CDHR1: variants seen among roughly 807,000 people sequenced by gnomAD.
CDHR1 encodes the protein cadherin related family member 1.
A neutral mutation model predicts 72.1 loss-of-function variants in CDHR1; 61 were observed. The observed-to-expected ratio is 0.85, with a 90% CI of 0.69 to 1.05. CDHR1 has a LOEUF of 1.05. Ranked by LOEUF, CDHR1 falls within the 50% of genes least tolerant of loss-of-function variation. The probability of loss-of-function intolerance (pLI) is 0.00; values close to 1 mark genes in which losing one functional copy is unlikely to be tolerated. For synonymous variants in CDHR1, 470 were observed against 448.1 expected, an observed-to-expected ratio of 1.05 and a Z score of -0.62; for missense variants, 1,186 against 1,115.7, an observed-to-expected ratio of 1.06 and a Z score of -0.90.
chr10:84,212,869 C>T, intron 15 of CDHR1: 2 of 623,474 alleles, frequency 3.2e-6, no homozygotes, highest in Non-Finnish European at 5.7e-6. Flanking sequence ...GCTTCCTAGA[C>T]TTGTTCTGAT....
At chr10:84,194,913 C>G in intron 1 of CDHR1, 98 bp downstream of exon 1, 1 of 1,160,964 alleles carries the variant, frequency 8.6e-7, no homozygotes. Context: ...TGGACCACTT[C>G]CAGAGTGGGA....
At position 84,214,811 on chromosome 10, in the gene CDHR1, A is replaced by T. The variant is rs888432511; in HGVS notation, c.*190A>T. ...AGAAGTTGCGCTCTGACAGGGCTCT[A>T]GTCAGGGCCTTGGGCAAGACATTGG... On this transcript the variant is annotated 3_prime_UTR_variant, in exon 17 of 17. Coordinates refer to ENST00000623527, the MANE Select transcript of CDHR1 (RefSeq NM_033100.4). The T allele has an allele frequency of 1.2e-5, 18 of 1,517,016 alleles. No homozygotes were observed. The African/African-American group carries it at 2.4e-4, about 20-fold the overall frequency. 94.0% of individuals were successfully genotyped at this position (1,517,016 alleles called of 1,614,324 possible).
Position 84,214,764 on chromosome 10 carries a change from ACCGC to A in CDHR1, c.*145_*148del. On this transcript the variant is annotated 3_prime_UTR_variant, in exon 17 of 17. Transcript: ENST00000623527. The stretch of plus-strand genomic sequence containing the variant: ...TATAATCCCCACTGTCCTCATCTCT[ACCGC>A]CACCTTCTGGCGCAACAAGAAGTTG... 2 of 1,561,778 alleles carry A rather than the reference ACCGC, an allele frequency of 1.3e-6. No individual in the cohort carries two copies. The highest frequency in any genetic ancestry group is 1.2e-5 in the South Asian group (1 of 85,724).
At chr10:84,218,760 TATC>T (rs1433269646), downstream of CDHR1, 5 of 1,009,696 alleles carry the variant, frequency 5.0e-6, no homozygotes, top group Non-Finnish European at 5.9e-6. Flanking sequence ...TTAGCCCAGA[TATC>T]ATGTTATTAC....
chr10:84,195,500 C>G lies in CDHR1; in HGVS notation c.62C>G (p.Ala21Gly), dbSNP rs1253966305. 2.0e-5 allele frequency: 32 copies of G among 1,613,934 alleles called. No homozygotes were observed. Among genetic ancestry groups the G allele is most frequent in the Non-Finnish European group, 2.6e-5 (31 of 1,179,892 alleles). Residue 21 changes from alanine to glycine, a missense_variant, in exon 2 of 17, where the codon GCC (alanine) becomes GGC (glycine). By Grantham distance (60) the Ala-to-Gly change is moderately conservative (BLOSUM62 0). Transcript: ENST00000623527. ...LGLLRLCLAQ[A>G]NFAPHFFDNG... ...TTCTGTGTTCTTTTTCCAGCTCAGG[C>G]CAACTTCGCCCCGCACTTCTTCGAC...
chr10:84,195,470 G>T (rs1296557605), intron 1 of CDHR1, 24 bp from the exon 2 acceptor site: 9 of 1,605,146 alleles, frequency 5.6e-6, no homozygotes, highest in Admixed American at 1.7e-5. Context: ...CTGGGTGTCC[G>T]TCTGTTCTGT....
intron 15 of CDHR1, 58 bp from the exon 16 acceptor site, chr10:84,213,033 C>A: frequency 6.2e-7 from 1 of 1,611,442 alleles, no homozygotes; most frequent in Non-Finnish European, 8.5e-7. Context: ...CTGATTTAGC[C>A]AGAGTACACA....
chr10:84,206,400 G>A (rs144074458), intron 10 of CDHR1, among the ~76,000 whole-genome samples: 10 of 152,322 alleles, frequency 6.6e-5, no homozygotes, highest in African/African-American at 1.4e-4. Flanking sequence ...CGCTAGAGCC[G>A]GGCATGTGAC....
Position 84,214,457 on chromosome 10 carries a change from G to T in CDHR1, c.2416G>T (p.Ala806Ser). ...ACCCAGCGTGGCGCCCAGCACTGGC[G>T]CAGCCCAGTGGACCGTGCCTACTGT... is the stretch of plus-strand genomic sequence containing the variant. ...PPPSVAPSTGAAQWTVPTVSG... is the reference protein window; with the variant it reads ...PPPSVAPSTGSAQWTVPTVSG... Residue 806 changes from alanine to serine, a missense_variant, in exon 17 of 17, where the codon GCA (alanine) becomes TCA (serine). By Grantham distance (99) the Ala-to-Ser change is moderately conservative (BLOSUM62 1). Coordinates refer to ENST00000623527, the MANE Select transcript of CDHR1 (RefSeq NM_033100.4). The T allele has an allele frequency of 6.2e-7, 1 of 1,611,596 alleles. No homozygotes were observed. The highest frequency in any genetic ancestry group is 8.5e-7 in the Non-Finnish European group (1 of 1,179,900).
At position 84,196,605 on chromosome 10, in the gene CDHR1, C is replaced by T; in HGVS notation, c.252C>T (p.Asp84=). Residue 84 remains aspartate, a synonymous_variant, in exon 3 of 17, where the codon GAC becomes GAT. Coordinates refer to ENST00000623527, the MANE Select transcript of CDHR1 (RefSeq NM_033100.4). ...GCACTAGAAGCGTCTTTTCTGTTGA[C>T]CCCACTTTTGGAAACATCACCCTGG... ...DPSTRSVFSV[D]PTFGNITLVE... 1.2e-6 allele frequency: 2 copies of T among 1,614,234 alleles called. No individual in the cohort carries two copies. The highest frequency in any genetic ancestry group is 1.7e-6 in the Non-Finnish European group (2 of 1,180,044).
rs1044601933 is a variant in CDHR1, at chr10:84,217,157, G to A, written c.*2536G>A. On this transcript the variant is annotated 3_prime_UTR_variant, in exon 17 of 17. Coordinates refer to ENST00000623527, the MANE Select transcript of CDHR1 (RefSeq NM_033100.4). ...CTGGAGGAGACCCCGCCAGTGGGGTGAGGCCAGCCAAGTCCCTGTGTTACG... is the reference window on the plus strand; with the variant it reads ...CTGGAGGAGACCCCGCCAGTGGGGTAAGGCCAGCCAAGTCCCTGTGTTACG... 1.0e-6 allele frequency: 1 copy of A among 985,490 alleles called. No homozygotes were observed. Among genetic ancestry groups the A allele is most frequent in the Non-Finnish European group, 1.2e-6 (1 of 830,066 alleles). The allele number at this position is 985,490 out of a possible 1,614,324, so 61.0% of individuals were successfully genotyped here. A position where few individuals can be genotyped will look rare whatever the true frequency, so the allele number is the denominator to read the frequency against.
chr10:84,208,024 A>G, intron 10 of CDHR1, 150 bp from the exon 11 acceptor site: 1 of 705,148 alleles, frequency 1.4e-6, no homozygotes, highest in East Asian at 2.7e-5. Flanking sequence ...ATAGCTTGCC[A>G]TCTTTGCCAT....
Position 84,214,234 on chromosome 10 carries a change from C to G in CDHR1, c.2193C>G (p.Asn731Lys). ...CCTTCTGGCGCAACAAGAAGTCTAACAAGGTCCTGCCAATGCGGCGGGTGC... is the reference window on the plus strand; with the variant it reads ...CCTTCTGGCGCAACAAGAAGTCTAAGAAGGTCCTGCCAATGCGGCGGGTGC... ...TATFWRNKKS[N>K]KVLPMRRVLR... The change falls in exon 17 of 17, where the codon AAC (asparagine) becomes AAG (lysine). Residue 731 changes from asparagine (N) to lysine (K), a missense_variant. Physicochemically the swap from Asn to Lys is moderately conservative, Grantham distance 94. Transcript: ENST00000623527. The G allele has an allele frequency of 1.2e-6, 2 of 1,614,140 alleles. No homozygotes were observed. The highest frequency in any genetic ancestry group is 1.6e-4 in the Middle Eastern group (1 of 6,062).
At position 84,218,239 on chromosome 10, in the gene CDHR1, T is replaced by C. The variant is rs144570118; in HGVS notation, c.*3618T>C. The C allele has an allele frequency of 1.3e-5, 13 of 985,432 alleles. No homozygotes were observed. The African/African-American group carries it at 2.3e-4, about 17-fold the overall frequency. The allele number at this position is 985,432 out of a possible 1,614,324, so 61.0% of individuals were successfully genotyped here. ...TCACAAACAACCTAGGGAGGGGTTC[T>C]CTGAAGGGCCTAGTTTCCAGAATGA... On this transcript the variant is annotated 3_prime_UTR_variant, in exon 17 of 17. Transcript: ENST00000623527.
intron 10 of CDHR1, among the ~76,000 whole-genome samples, chr10:84,207,647 C>T (rs989071172): frequency 2.0e-5 from 3 of 152,158 alleles, no homozygotes; most frequent in Admixed American, 6.5e-5. Context: ...CTAATTACCC[C>T]AAACTTAGTG....
In CDHR1 at chr10:84,202,460, T is replaced by G. The variant is rs569145663; in HGVS notation, c.640-520T>G. On this transcript the variant is annotated intron_variant, in intron 7 of 16. Coordinates refer to ENST00000623527, the MANE Select transcript of CDHR1 (RefSeq NM_033100.4). Reference sequence around the variant, plus strand: ...CCCCTCTAGGCCCAGCACTTTCTTTTGCAGGCAAGCCCCTGCTGGTCACAG... The same window carrying G: ...CCCCTCTAGGCCCAGCACTTTCTTTGGCAGGCAAGCCCCTGCTGGTCACAG... 2.3e-3 allele frequency among the ~76,000 whole-genome samples: 358 copies of G among 152,350 alleles called. 2 individuals carry two copies. Among genetic ancestry groups the G allele is most frequent in the Non-Finnish European group, 4.2e-3 (289 of 68,036 alleles).
Position 84,212,425 on chromosome 10 carries a change from C to G in CDHR1, c.1782+18C>G, listed in dbSNP as rs1239840090. On this transcript the variant is annotated intron_variant, in intron 15 of 16. Transcript: ENST00000623527. ...AAATTGAGGTAAGTTTTGGAGGCAG[C>G]TGAGCTCCCCTAAAAGCCTGGGTCC... The G allele has an allele frequency of 6.3e-7, 1 of 1,588,932 alleles. No individual in the cohort carries two copies. The highest frequency in any genetic ancestry group is 8.6e-7 in the Non-Finnish European group (1 of 1,157,094).
chr10:84,217,815 G>A lies in CDHR1; in HGVS notation c.*3194G>A, dbSNP rs1842448836. 2 of 985,484 alleles carry A rather than the reference G, an allele frequency of 2.0e-6. No individual in the cohort carries two copies. Among genetic ancestry groups the A allele is most frequent in the African/African-American group, 3.5e-5 (2 of 57,360 alleles). 61.0% of individuals were successfully genotyped at this position (985,484 alleles called of 1,614,324 possible). ...AGTGGAGGACAGGGCAGATGCCACA[G>A]CATCTGTGGCCTGTGTAGCCGGCAG... On this transcript the variant is annotated 3_prime_UTR_variant, in exon 17 of 17. Coordinates refer to ENST00000623527, the MANE Select transcript of CDHR1 (RefSeq NM_033100.4).
chr10:84,217,531 T>C lies in CDHR1; in HGVS notation c.*2910T>C. On this transcript the variant is annotated 3_prime_UTR_variant, in exon 17 of 17. Coordinates refer to ENST00000623527, the MANE Select transcript of CDHR1 (RefSeq NM_033100.4). ...GTCTCTCTGGGCCTCACTTTCCTCA[T>C]TAACACAGGGTGCAAAGTATGGTTG... 1.0e-6 allele frequency: 1 copy of C among 979,852 alleles called. No homozygotes were observed. Among genetic ancestry groups the C allele is most frequent in the Non-Finnish European group, 1.2e-6 (1 of 824,880 alleles). The allele number at this position is 979,852 out of a possible 1,614,324, so 60.7% of individuals were successfully genotyped here. A position where few individuals can be genotyped will look rare whatever the true frequency, so the allele number is the denominator to read the frequency against.
Sources: gnomAD v4.1 joint callset for allele counts (sites outside exome capture counted in the v4.1 genomes callset) on GRCh38, gnomAD v4.1.1 for gene constraint, MANE v1.5 for transcripts, NCBI Gene and HGNC (gene_info 2026-07-23, HGNC 2026-07-21) for gene names.